Variants in TOX3 observed in about 807,000 individuals in gnomAD.
The protein encoded by TOX3 is TOX high mobility group box family member 3.
TOX3 carries 22 observed loss-of-function variants against 64.3 expected under a neutral mutation model. That is an observed-to-expected ratio of 0.34 (90% confidence interval 0.24 to 0.49). TOX3 has a LOEUF of 0.49. TOX3 is among the 20% of genes least tolerant of loss of function. The pLI is 0.99. For missense variants in TOX3, 661 were observed against 714.4 expected (o/e 0.93, Z 0.85); for synonymous variants, 291 against 273.6 (o/e 1.06, Z -0.63).
At chr16:52,456,449 G>A (rs1296688066) in intron 3 of TOX3, among the ~76,000 whole-genome samples, 2 of 152,096 alleles carry the variant, frequency 1.3e-5, no homozygotes, top group African/African-American at 4.8e-5. Flanking sequence ...TCTATCTATT[G>A]GCCTATATGA....
chr16:52,482,494 AG>A (rs1961395139), intron 1 of TOX3, among the ~76,000 whole-genome samples: 1 of 152,318 alleles, frequency 6.6e-6, no homozygotes, highest in African/African-American at 2.4e-5. Context: ...ACCAAAAGGG[AG>A]GAAAAACAGA....
At chr16:52,495,194 A>T (rs1961810613) in intron 1 of TOX3, among the ~76,000 whole-genome samples, 2 of 152,224 alleles carry the variant, frequency 1.3e-5, no homozygotes, top group Admixed American at 6.5e-5. Flanking sequence ...TTAAGACATC[A>T]TAATAAAACT....
chr16:52,454,808 C>G (rs755515246), intron 3 of TOX3, among the ~76,000 whole-genome samples: 10 of 152,168 alleles, frequency 6.6e-5, no homozygotes, highest in Non-Finnish European at 1.3e-4. Context: ...TTATTTTACA[C>G]ATTAAACAAA....
intron 1 of TOX3, among the ~76,000 whole-genome samples, chr16:52,539,999 A>G (rs931695811): frequency 2.0e-5 from 3 of 151,462 alleles, no homozygotes; most frequent in South Asian, 4.2e-4. Context: ...GGTCTCTCCT[A>G]CTCTTGCCGG....
chr16:52,445,226 A>G (rs1960128464), intron 5 of TOX3: 2 of 152,258 alleles, frequency 1.3e-5, no homozygotes. Flanking sequence ...CATGATTTGT[A>G]AACAAAATCA....
intron 1 of TOX3, among the ~76,000 whole-genome samples, chr16:52,534,945 G>T (rs779949536): frequency 6.6e-6 from 1 of 152,078 alleles, no homozygotes; most frequent in African/African-American, 2.4e-5. Flanking sequence ...ATGATGTGTG[G>T]TTCTTGCAAA....
intron 1 of TOX3, among the ~76,000 whole-genome samples, chr16:52,514,080 T>C (rs1332773309): frequency 6.6e-6 from 1 of 152,170 alleles, no homozygotes; most frequent in Non-Finnish European, 1.5e-5. Flanking sequence ...GAGCAAGAGA[T>C]TTACATATAT....
chr16:52,477,355 A>T (rs919213946), intron 1 of TOX3, among the ~76,000 whole-genome samples: 15 of 152,188 alleles, frequency 9.9e-5, no homozygotes, highest in Admixed American at 9.8e-4. Context: ...GGATTTTGTT[A>T]GAGGAAGGAG....
In TOX3 at chr16:52,468,489, A is replaced by G; in HGVS notation, c.153+20T>C. ...AATAACACAAAAAACAGGAACAAAC[A>G]CATTAAGACAGTCACCTACCTCACT... On this transcript the variant is annotated intron_variant, in intron 2 of 6. Coordinates refer to ENST00000219746, the MANE Select transcript of TOX3 (RefSeq NM_001080430.4). 6.2e-7 allele frequency: 1 copy of G among 1,604,580 alleles called. No individual in the cohort carries two copies. The highest frequency in any genetic ancestry group is 2.2e-5 in the East Asian group (1 of 44,538).
At chr16:52,441,370 T>C (rs1033943224) in intron 6 of TOX3, among the ~76,000 whole-genome samples, 1 of 152,198 alleles carries the variant, frequency 6.6e-6, no homozygotes, top group Non-Finnish European at 1.5e-5. Context: ...GTAGAATTTA[T>C]CAAAGGAGTC....
At chr16:52,460,810 A>C (rs868062096) in intron 3 of TOX3, among the ~76,000 whole-genome samples, 6 of 152,192 alleles carry the variant, frequency 3.9e-5, no homozygotes, top group South Asian at 2.1e-4. Context: ...CTAGGGCTGC[A>C]GATTTTTCTT....
At chr16:52,466,509 C>T (rs1403027050) in intron 2 of TOX3, among the ~76,000 whole-genome samples, 10 of 152,130 alleles carry the variant, frequency 6.6e-5, no homozygotes, top group Non-Finnish European at 1.5e-4. Context: ...AAATTAGGCA[C>T]GTGCTATAAT....
At chr16:52,472,853 T>C (rs1226214756) in intron 1 of TOX3, among the ~76,000 whole-genome samples, 1 of 152,212 alleles carries the variant, frequency 6.6e-6, no homozygotes, top group Non-Finnish European at 1.5e-5. Context: ...TAGGCTCTAA[T>C]AGATGTGATC....
intron 1 of TOX3, among the ~76,000 whole-genome samples, chr16:52,536,880 T>TAC (rs1962960432): frequency 1.3e-5 from 2 of 151,136 alleles, no homozygotes; most frequent in African/African-American, 2.4e-5. Context: ...TATGTATATA[T>TAC]ACACATGTGT....
At chr16:52,470,320 C>A (rs1388349145) in intron 1 of TOX3, among the ~76,000 whole-genome samples, 1 of 152,142 alleles carries the variant, frequency 6.6e-6, no homozygotes, top group Non-Finnish European at 1.5e-5. Context: ...TTCCGTGCAC[C>A]AGTCCTGGCC....
chr16:52,501,602 G>C (rs1239826845), intron 1 of TOX3, among the ~76,000 whole-genome samples: 1 of 151,756 alleles, frequency 6.6e-6, no homozygotes, highest in African/African-American at 2.4e-5. Flanking sequence ...GGAGGTTTCA[G>C]TGAGTCGACA....
At chr16:52,517,712 G>A (rs1275577821) in intron 1 of TOX3, among the ~76,000 whole-genome samples, 1 of 151,900 alleles carries the variant, frequency 6.6e-6, no homozygotes, top group Non-Finnish European at 1.5e-5. Flanking sequence ...ATTGCAATCT[G>A]ATCAGATTAA....
At chr16:52,540,700 T>C (rs1963059315) in intron 1 of TOX3, among the ~76,000 whole-genome samples, 1 of 152,166 alleles carries the variant, frequency 6.6e-6, no homozygotes, top group South Asian at 2.1e-4. Flanking sequence ...AAAGTACTCA[T>C]TTGTGACCAC....
intron 1 of TOX3, among the ~76,000 whole-genome samples, chr16:52,484,628 G>A (rs548967637): frequency 1.4e-4 from 21 of 152,052 alleles, no homozygotes; most frequent in Admixed American, 2.6e-4. Flanking sequence ...AGTTTGCTAA[G>A]GTAGTGAAAA....
Sources: gnomAD v4.1 joint callset for allele counts (sites outside exome capture counted in the v4.1 genomes callset) on GRCh38, gnomAD v4.1.1 for gene constraint, MANE v1.5 for transcripts, NCBI Gene and HGNC (gene_info 2026-07-23, HGNC 2026-07-21) for gene names.